Variants in STK32B observed in about 807,000 individuals in gnomAD.
STK32B encodes serine/threonine kinase 32B.
STK32B carries 43 observed loss-of-function variants against 52.6 expected under a neutral mutation model. The ratio of observed to expected loss-of-function variants is 0.82; its 90% CI spans 0.64 to 1.05. STK32B has a LOEUF of 1.05. Ranked by LOEUF, STK32B falls within the 50% of genes least tolerant of loss-of-function variation. STK32B has a pLI of 0.00. For synonymous variants in STK32B, 238 were observed against 204.3 expected, an observed-to-expected ratio of 1.17 and a Z score of -1.41; for missense variants, 621 against 534.6, an observed-to-expected ratio of 1.16 and a Z score of -1.59.
the STK32B span, among the ~76,000 whole-genome samples, chr4:5,040,988 G>A: frequency 6.6e-6 from 1 of 152,198 alleles, no homozygotes; most frequent in African/African-American, 2.4e-5. Flanking sequence ...CCACTGTTGG[G>A]TGTGCGGCCC....
At chr4:5,413,366 G>A (rs898565104) in intron 5 of STK32B, among the ~76,000 whole-genome samples, 1 of 152,122 alleles carries the variant, frequency 6.6e-6, no homozygotes, top group Middle Eastern at 3.2e-3. Flanking sequence ...CAGGCTTCAG[G>A]CAGGCTTTGA....
rs144039836 is a variant in STK32B, at chr4:5,380,366, C to A, written c.435-17841C>A. ...ACCCAAGAGAATGCAAAAGGCCAGG[C>A]TTCTGCATTTAAAATTATACTATGA... is the stretch of plus-strand genomic sequence containing the variant. On this transcript the variant is annotated intron_variant, in intron 4 of 11. Coordinates refer to ENST00000282908, the MANE Select transcript of STK32B (RefSeq NM_018401.3). This position sits in a 1 kb window ranked among gnomAD's most constrained non-coding sequence, Gnocchi z 4.3. 2.0e-5 allele frequency among the ~76,000 whole-genome samples: 3 copies of A among 152,292 alleles called. No individual in the cohort carries two copies. The highest frequency in any genetic ancestry group is 7.2e-5 in the African/African-American group (3 of 41,572).
At chr4:5,461,779 C>T (rs1314577047) in intron 9 of STK32B, among the ~76,000 whole-genome samples, 2 of 152,206 alleles carry the variant, frequency 1.3e-5, no homozygotes, top group African/African-American at 2.4e-5. Flanking sequence ...CAGGCCTGGC[C>T]ATGTGCCGTT....
chr4:5,382,255 A>C (rs1194037553), intron 4 of STK32B, among the ~76,000 whole-genome samples: 1 of 152,232 alleles, frequency 6.6e-6, no homozygotes, highest in African/African-American at 2.4e-5. Flanking sequence ...AAAGTTAACC[A>C]TCCCGCTGGT....
At chr4:5,445,062 T>C (rs1395849665) in intron 6 of STK32B, among the ~76,000 whole-genome samples, 3 of 152,228 alleles carry the variant, frequency 2.0e-5, no homozygotes, top group Non-Finnish European at 4.4e-5. Flanking sequence ...CAGCTTTGCA[T>C]TTCCTGGCTG....
chr4:5,335,349 C>T (rs1732584413), intron 4 of STK32B, among the ~76,000 whole-genome samples: 5 of 152,040 alleles, frequency 3.3e-5, no homozygotes, highest in Admixed American at 2.0e-4. Flanking sequence ...TTTATTGCAT[C>T]TATTTGATTC....
At chr4:5,347,559 A>G (rs1408976859) in intron 4 of STK32B, among the ~76,000 whole-genome samples, 1 of 152,150 alleles carries the variant, frequency 6.6e-6, no homozygotes, top group African/African-American at 2.4e-5. Flanking sequence ...GTGTTTCAAG[A>G]TTGCTGACTA....
chr4:5,480,040 G>A (rs374424789), intron 11 of STK32B, among the ~76,000 whole-genome samples: 5 of 152,130 alleles, frequency 3.3e-5, no homozygotes, highest in South Asian at 2.1e-4. Flanking sequence ...TAGGATTGTC[G>A]TAAGAACAAA....
chr4:5,054,144 T>A (rs942906977), intron 1 of STK32B, among the ~76,000 whole-genome samples: 1 of 152,152 alleles, frequency 6.6e-6, no homozygotes, highest in Non-Finnish European at 1.5e-5. Flanking sequence ...ACCAACCGAC[T>A]CATTTATTTC....
At chr4:5,151,069 A>T (rs1197157187) in intron 2 of STK32B, among the ~76,000 whole-genome samples, 1 of 152,156 alleles carries the variant, frequency 6.6e-6, no homozygotes, top group African/African-American at 2.4e-5. Context: ...GCCTGTCATC[A>T]TCCGTTGAAA....
At chr4:5,367,705 G>C (rs545972184) in intron 4 of STK32B, among the ~76,000 whole-genome samples, 3 of 152,122 alleles carry the variant, frequency 2.0e-5, no homozygotes, top group African/African-American at 4.8e-5. Flanking sequence ...CTCTGCCACT[G>C]GTCTATTTAA....
intron 3 of STK32B, among the ~76,000 whole-genome samples, chr4:5,178,927 T>C (rs569649389): frequency 1.3e-5 from 2 of 152,242 alleles, no homozygotes; most frequent in Non-Finnish European, 1.5e-5. Context: ...CCTCTGCCTG[T>C]TGACCAGTTA....
In STK32B at chr4:5,158,399, A is replaced by T. The variant is rs777303836; in HGVS notation, c.109-9900A>T. The stretch of plus-strand genomic sequence containing the variant: ...TGAGCAGGGGCATTCACTTATTTTT[A>T]AAGCACACCATCACCTCTCTTTGTT... On this transcript the variant is annotated intron_variant, in intron 2 of 11. Coordinates refer to ENST00000282908, the MANE Select transcript of STK32B (RefSeq NM_018401.3). 3.3e-5 allele frequency among the ~76,000 whole-genome samples: 5 copies of T among 152,174 alleles called. 1 individual carries two copies. The highest frequency in any genetic ancestry group is 4.2e-4 in the South Asian group (2 of 4,818).
At chr4:5,376,892 A>G (rs1735623331) in intron 4 of STK32B, among the ~76,000 whole-genome samples, 1 of 151,928 alleles carries the variant, frequency 6.6e-6, no homozygotes, top group Non-Finnish European at 1.5e-5. Context: ...CACCTCTGCC[A>G]TACCCACCTG....
At chr4:5,459,490 C>T (rs952710581) in intron 8 of STK32B, among the ~76,000 whole-genome samples, 1 of 152,200 alleles carries the variant, frequency 6.6e-6, no homozygotes, top group African/African-American at 2.4e-5. Flanking sequence ...ATTCTTGGCC[C>T]CTGTGCCTTT....
chr4:5,299,810 A>G (rs906862707), intron 3 of STK32B, among the ~76,000 whole-genome samples: 1 of 152,144 alleles, frequency 6.6e-6, no homozygotes, highest in Non-Finnish European at 1.5e-5. Context: ...AAACCTGTCA[A>G]CCAAAAAGAG....
intron 1 of STK32B, among the ~76,000 whole-genome samples, chr4:5,074,113 C>T (rs1463671970): frequency 6.6e-6 from 1 of 151,908 alleles, no homozygotes; most frequent in Non-Finnish European, 1.5e-5. Flanking sequence ...TTTAGAACTT[C>T]AGTAACATGT....
intron 4 of STK32B, among the ~76,000 whole-genome samples, chr4:5,339,399 C>T (rs555333140): frequency 3.3e-4 from 50 of 152,310 alleles, no homozygotes; most frequent in African/African-American, 1.2e-3. Flanking sequence ...AGATTTGAGT[C>T]AGCGTTTTTT....
At chr4:5,310,828 G>C (rs1035187656) in intron 3 of STK32B, among the ~76,000 whole-genome samples, 1 of 152,120 alleles carries the variant, frequency 6.6e-6, no homozygotes, top group African/African-American at 2.4e-5. Context: ...AGAAAATGTG[G>C]TATATGTACA....
Sources: gnomAD v4.1 joint callset for allele counts (sites outside exome capture counted in the v4.1 genomes callset) on GRCh38, gnomAD v4.1.1 for gene constraint, Gnocchi (gnomAD v3.1) non-coding constraint, MANE v1.5 for transcripts, NCBI Gene and HGNC (gene_info 2026-07-23, HGNC 2026-07-21) for gene names.